The following VAT1L variants were observed in gnomAD, a reference collection of about 807,000 sequenced individuals.
VAT1L encodes vesicle amine transport 1 like, also known as putative NADPH-dependent quinone oxidoreductase VAT1L.
A neutral mutation model predicts 44.1 loss-of-function variants in VAT1L; 34 were observed. The ratio of observed to expected loss-of-function variants is 0.77; its 90% CI spans 0.59 to 1.03. The LOEUF is 1.03. VAT1L is among the 50% of genes least tolerant of loss of function. The pLI is 0.00. For missense variants in VAT1L, 615 were observed against 538.8 expected (o/e 1.14, Z -1.40); for synonymous variants, 253 against 202.2 (o/e 1.25, Z -2.13).
chr16:77,906,559 G>C (rs930913469), intron 7 of VAT1L, among the ~76,000 whole-genome samples: 16 of 152,206 alleles, frequency 1.1e-4, no homozygotes, highest in African/African-American at 2.9e-4. Flanking sequence ...AAGAGCATCT[G>C]GAAAATGAAG....
At chr16:77,915,967 AAC>A (rs149778033) in intron 7 of VAT1L, among the ~76,000 whole-genome samples, 1,911 of 152,322 alleles carry the variant, frequency 0.013, 28 homozygotes, top group East Asian at 0.047. Context: ...AGCAGTGCAC[AAC>A]ACCCAGCTCG....
At chr16:77,803,928 C>G (rs1051361382) in intron 1 of VAT1L, among the ~76,000 whole-genome samples, 1 of 152,134 alleles carries the variant, frequency 6.6e-6, no homozygotes. Context: ...TTCAGTGATA[C>G]TTTCTGTGAG....
At chr16:77,832,112 G>A (rs1260637662) in intron 3 of VAT1L, among the ~76,000 whole-genome samples, 2 of 151,796 alleles carry the variant, frequency 1.3e-5, no homozygotes, top group East Asian at 3.9e-4. Flanking sequence ...ACAGGTGTGA[G>A]CCACCGTGCG....
At chr16:77,844,369 G>T (rs1017526102) in intron 3 of VAT1L, among the ~76,000 whole-genome samples, 1 of 151,960 alleles carries the variant, frequency 6.6e-6, no homozygotes, top group African/African-American at 2.4e-5. Context: ...AGGAAGATGG[G>T]CATAGGTTAT....
chr16:77,811,239 A>G (rs551766915), intron 1 of VAT1L, among the ~76,000 whole-genome samples: 2 of 152,356 alleles, frequency 1.3e-5, no homozygotes, highest in South Asian at 4.1e-4. Flanking sequence ...CCAGGAGAGT[A>G]GAAGACAAGG....
At chr16:77,887,150 T>G (rs1441776626) in intron 7 of VAT1L, among the ~76,000 whole-genome samples, 1 of 152,054 alleles carries the variant, frequency 6.6e-6, no homozygotes, top group Admixed American at 6.5e-5. Context: ...CACAAGGAGA[T>G]CCCTAAAAAC....
rs189750545 is a variant in VAT1L at position 77,889,951 on chromosome 16, G to T, written c.1077+5149G>T. Among the ~76,000 whole-genome samples the T allele has an allele frequency of 3.3e-5, 5 of 152,256 alleles. No homozygotes were observed. The East Asian group carries it at 9.7e-4, about 30-fold the overall frequency. ...AAAATACAAAAAATTAGCCAGGCAT[G>T]GTGGCAACGCCTATAGTCCCAGCTA... On this transcript the variant is annotated intron_variant, in intron 7 of 8. Coordinates refer to ENST00000302536, the MANE Select transcript of VAT1L (RefSeq NM_020927.3).
intron 1 of VAT1L, among the ~76,000 whole-genome samples, chr16:77,807,541 C>G (rs2016183200): frequency 6.6e-6 from 1 of 152,158 alleles, no homozygotes; most frequent in Admixed American, 6.5e-5. Flanking sequence ...CGTCCCCAGT[C>G]CAGCTTCCCT....
chr16:77,859,166 G>A (rs1412358375), intron 3 of VAT1L, among the ~76,000 whole-genome samples: 3 of 151,872 alleles, frequency 2.0e-5, no homozygotes, highest in Admixed American at 1.3e-4. Context: ...TGGGTGTGGT[G>A]GCATGTACCT....
intron 7 of VAT1L, among the ~76,000 whole-genome samples, chr16:77,919,302 A>G (rs1315395123): frequency 2.6e-5 from 4 of 152,216 alleles, no homozygotes; most frequent in Non-Finnish European, 5.9e-5. Flanking sequence ...TGTTGTGCCT[A>G]GACCAGGATG....
intron 1 of VAT1L, among the ~76,000 whole-genome samples, chr16:77,812,325 G>C: frequency 6.6e-6 from 1 of 152,132 alleles, no homozygotes. Context: ...CACCTGTCTC[G>C]GCCTCCCAAA....
chr16:77,815,460 C>A (rs745727250), intron 1 of VAT1L, among the ~76,000 whole-genome samples: 1 of 152,078 alleles, frequency 6.6e-6, no homozygotes, highest in Non-Finnish European at 1.5e-5. Flanking sequence ...AAATACCAGC[C>A]GGGTTCAGTA....
intron 6 of VAT1L, among the ~76,000 whole-genome samples, chr16:77,881,290 T>C (rs1016879394): frequency 6.6e-6 from 1 of 152,212 alleles, no homozygotes; most frequent in Non-Finnish European, 1.5e-5. Context: ...ACCTGCTGTT[T>C]GTGGTATTGT....
At chr16:77,828,194 G>T (rs1017181246) in intron 3 of VAT1L, among the ~76,000 whole-genome samples, 1 of 152,238 alleles carries the variant, frequency 6.6e-6, no homozygotes, top group African/African-American at 2.4e-5. Context: ...GAGTCCTGCA[G>T]AGAGCCCACA....
intron 3 of VAT1L, among the ~76,000 whole-genome samples, chr16:77,862,266 G>T (rs1033029131): frequency 2.6e-5 from 4 of 152,090 alleles, no homozygotes; most frequent in African/African-American, 9.7e-5. Flanking sequence ...AGGCCTGGAG[G>T]GCTAAACATC....
At chr16:77,870,495 G>A (rs7204845) in intron 4 of VAT1L, among the ~76,000 whole-genome samples, 11,537 of 152,228 alleles carry the variant, frequency 0.076, 671 homozygotes, top group East Asian at 0.23. Flanking sequence ...CCACTCAAGA[G>A]AAATTCTTCC....
At chr16:77,919,452 A>G (rs1033740221) in intron 7 of VAT1L, among the ~76,000 whole-genome samples, 2 of 152,238 alleles carry the variant, frequency 1.3e-5, no homozygotes, top group African/African-American at 4.8e-5. Context: ...AATTAGAGGT[A>G]GAGATACATG....
At chr16:77,972,044 T>C in intron 8 of VAT1L, 111 bp downstream of exon 8, 1 of 958,480 alleles carries the variant, frequency 1.0e-6, no homozygotes. Context: ...TGTGGGCTAG[T>C]GGAGGAGACC....
At chr16:77,880,410 T>G (rs997729021) in intron 6 of VAT1L, among the ~76,000 whole-genome samples, 1 of 152,084 alleles carries the variant, frequency 6.6e-6, no homozygotes. Flanking sequence ...TCCGCTTGCC[T>G]CAGCCTCCCA....
Sources: allele counts gnomAD v4.1 joint callset (sites outside exome capture counted in the v4.1 genomes callset), GRCh38; gene constraint gnomAD v4.1.1; transcripts MANE v1.5; gene names NCBI Gene and HGNC (gene_info 2026-07-23, HGNC 2026-07-21).